Variants in DENND1A observed in about 807,000 individuals in gnomAD.
The protein encoded by DENND1A is DENN domain containing 1A, also known as DENN domain-containing protein 1A.
In DENND1A, 51 loss-of-function variants were observed where a neutral mutation model predicts 113.7. The observed-to-expected ratio is 0.45, with a 90% CI of 0.36 to 0.57. The LOEUF is 0.57. Among genes scored for constraint, DENND1A ranks in the 20% least tolerant of loss-of-function variants. The pLI is 0.00. For missense variants in DENND1A, 1,258 were observed against 1,395.9 expected, an observed-to-expected ratio of 0.90 and a Z score of 1.57; for synonymous variants, 565 against 570.8, an observed-to-expected ratio of 0.99 and a Z score of 0.14.
At position 123,746,500 on chromosome 9, in the gene DENND1A, T is replaced by G. The variant is rs1589912499; in HGVS notation, c.302+11203A>C. On this transcript the variant is annotated intron_variant, in intron 5 of 23. Transcript: ENST00000394215. ...ACCAGAAATGTTTCAGATTTTAGAT[T>G]TGTTTGGATTTTGGAATATTTGCAG... 3.3e-5 allele frequency among the ~76,000 whole-genome samples: 5 copies of G among 152,278 alleles called. 1 individual carries two copies. In the South Asian group the frequency reaches 1.0e-3, roughly 32 times the overall value.
chr9:123,796,694 C>G (rs1225972241), intron 2 of DENND1A, among the ~76,000 whole-genome samples: 1 of 151,336 alleles, frequency 6.6e-6, no homozygotes, highest in Non-Finnish European at 1.5e-5. Context: ...CAAAATAATT[C>G]ATAAAAGTGC....
chr9:123,845,633 G>A (rs974109580), intron 2 of DENND1A, among the ~76,000 whole-genome samples: 3 of 122,936 alleles, frequency 2.4e-5, no homozygotes, highest in African/African-American at 9.3e-5. Context: ...TCATGCCACT[G>A]TATTCCAGCC....
intron 23 of DENND1A, among the ~76,000 whole-genome samples, chr9:123,383,092 C>T (rs1015957236): frequency 3.9e-5 from 6 of 152,208 alleles, no homozygotes; most frequent in Non-Finnish European, 7.3e-5. Flanking sequence ...TCTCCTGGCC[C>T]AGGTCCTCGT....
chr9:123,540,112 C>G (rs977717310), intron 13 of DENND1A, among the ~76,000 whole-genome samples: 14 of 152,136 alleles, frequency 9.2e-5, no homozygotes, highest in African/African-American at 3.4e-4. Flanking sequence ...CTTGTATCTA[C>G]CCAACTGTTT....
chr9:123,651,028 T>C (rs534655899), intron 9 of DENND1A, among the ~76,000 whole-genome samples: 41 of 151,270 alleles, frequency 2.7e-4, no homozygotes, highest in African/African-American at 9.9e-4. Flanking sequence ...TGGAAGTATA[T>C]CAGCATTCAC....
intron 13 of DENND1A, among the ~76,000 whole-genome samples, chr9:123,469,034 G>T (rs769572565): frequency 1.3e-5 from 2 of 152,212 alleles, no homozygotes; most frequent in Non-Finnish European, 2.9e-5. Flanking sequence ...TGCCCTCAGA[G>T]GGCCTGGGTT....
chr9:123,605,405 C>G (rs1168110428), intron 11 of DENND1A, among the ~76,000 whole-genome samples: 1 of 152,198 alleles, frequency 6.6e-6, no homozygotes, highest in Non-Finnish European at 1.5e-5. Flanking sequence ...GCATAAATGT[C>G]TCTTGAGCTA....
chr9:123,421,775 A>T (rs934275625), intron 19 of DENND1A, among the ~76,000 whole-genome samples: 1 of 151,596 alleles, frequency 6.6e-6, no homozygotes, highest in Non-Finnish European at 1.5e-5. Context: ...GGAGTCCAGG[A>T]CTCCTTGGCC....
chr9:123,803,172 T>C (rs753020162), intron 2 of DENND1A, among the ~76,000 whole-genome samples: 2 of 152,210 alleles, frequency 1.3e-5, no homozygotes, highest in Non-Finnish European at 2.9e-5. Flanking sequence ...CCTGCACCCA[T>C]ATAGCTAACA....
chr9:123,456,039 C>T (rs1438939642), intron 15 of DENND1A, among the ~76,000 whole-genome samples: 3 of 152,234 alleles, frequency 2.0e-5, no homozygotes, highest in Admixed American at 2.0e-4. Context: ...CTCTATGGGG[C>T]TCTGGACCTA....
intron 2 of DENND1A, among the ~76,000 whole-genome samples, chr9:123,797,751 A>G (rs1367187602): frequency 6.6e-6 from 1 of 152,124 alleles, no homozygotes; most frequent in East Asian, 1.9e-4. Context: ...ATTTTTGAAA[A>G]GAATGTTTGA....
At chr9:123,795,520 C>G (rs764926685) in intron 2 of DENND1A, among the ~76,000 whole-genome samples, 4 of 152,152 alleles carry the variant, frequency 2.6e-5, no homozygotes, top group African/African-American at 9.7e-5. Context: ...TTAAGCAAAC[C>G]GCCTTTAAAT....
At chr9:123,881,432 C>G (rs1252053048) in intron 1 of DENND1A, among the ~76,000 whole-genome samples, 1 of 152,162 alleles carries the variant, frequency 6.6e-6, no homozygotes, top group Non-Finnish European at 1.5e-5. Flanking sequence ...AAGATTCTCT[C>G]TGAAACCTCA....
chr9:123,615,075 G>T (rs2137944337), intron 10 of DENND1A, among the ~76,000 whole-genome samples: 1 of 152,294 alleles, frequency 6.6e-6, no homozygotes, highest in Non-Finnish European at 1.5e-5. Flanking sequence ...CATGGTTTTG[G>T]GCTTAGTGAG....
intron 17 of DENND1A, among the ~76,000 whole-genome samples, chr9:123,451,986 C>T (rs998632396): frequency 3.4e-5 from 5 of 148,388 alleles, no homozygotes; most frequent in African/African-American, 1.2e-4. Flanking sequence ...TTGCTTGAGC[C>T]CAGGAGTTCA....
chr9:123,795,928 G>A (rs747877810), intron 2 of DENND1A, among the ~76,000 whole-genome samples: 4 of 152,160 alleles, frequency 2.6e-5, no homozygotes, highest in Non-Finnish European at 5.9e-5. Context: ...TTTTACCCAA[G>A]AATTGTCCTG....
intron 1 of DENND1A, among the ~76,000 whole-genome samples, chr9:123,909,395 TAAAATAA>T (rs1359108793): frequency 6.8e-6 from 1 of 146,644 alleles, no homozygotes; most frequent in African/African-American, 2.5e-5. Context: ...AAATATAAAA[TAAAATAA>T]AAAATAAAAA....
intron 5 of DENND1A, among the ~76,000 whole-genome samples, chr9:123,697,101 C>T (rs10818859): frequency 0.17 from 25,103 of 151,994 alleles, 3,604 homozygotes; most frequent in African/African-American, 0.39. Context: ...GGTGAAGATC[C>T]GCTTGCAGAA....
chr9:123,873,298 A>C (rs1222750464), intron 2 of DENND1A, among the ~76,000 whole-genome samples: 2 of 152,216 alleles, frequency 1.3e-5, no homozygotes, highest in Admixed American at 6.5e-5. Context: ...CAATCTTTGG[A>C]AAGTGTTCCA....
Sources: allele counts gnomAD v4.1 joint callset (sites outside exome capture counted in the v4.1 genomes callset), GRCh38; gene constraint gnomAD v4.1.1; transcripts MANE v1.5; gene names NCBI Gene and HGNC (gene_info 2026-07-23, HGNC 2026-07-21).